The following CALD1 variants were observed in gnomAD, a reference collection of about 807,000 sequenced individuals.
The protein encoded by CALD1 is caldesmon.
CALD1 carries 33 observed loss-of-function variants against 99.9 expected under a neutral mutation model. The ratio of observed to expected loss-of-function variants is 0.33; its 90% CI spans 0.25 to 0.44. The LOEUF is 0.44. Ranked by LOEUF, CALD1 falls within the 20% of genes least tolerant of loss-of-function variation. The pLI is 1.00. For missense variants in CALD1, 861 were observed against 962.1 expected (o/e 0.89, Z 1.39); for synonymous variants, 310 against 325.0 (o/e 0.95, Z 0.50).
intron 1 of CALD1, among the ~76,000 whole-genome samples, chr7:134,838,414 G>A (rs992381620): frequency 2.0e-5 from 3 of 152,188 alleles, no homozygotes; most frequent in African/African-American, 4.8e-5. Flanking sequence ...AGAGCTACAA[G>A]AAATAATTTG....
intron 2 of CALD1, among the ~76,000 whole-genome samples, chr7:134,864,043 C>G (rs529469206): frequency 1.3e-5 from 2 of 152,078 alleles, no homozygotes; most frequent in African/African-American, 2.4e-5. Context: ...GCCGCAGGCT[C>G]GTGGCTTTGT....
intron 1 of CALD1, among the ~76,000 whole-genome samples, chr7:134,795,275 G>A (rs1441991060): frequency 6.6e-6 from 1 of 152,110 alleles, no homozygotes; most frequent in East Asian, 1.9e-4. Context: ...ATTGAATCAT[G>A]GGGATGGGTC....
chr7:134,922,060 C>CA (rs1804659873), intron 3 of CALD1, among the ~76,000 whole-genome samples: 1 of 151,948 alleles, frequency 6.6e-6, no homozygotes, highest in Non-Finnish European at 1.5e-5. Flanking sequence ...TTTTACATGG[C>CA]AAAATAACTA....
At chr7:134,854,543 G>A (rs741691) in intron 2 of CALD1, among the ~76,000 whole-genome samples, 26,429 of 151,640 alleles carry the variant, frequency 0.17, 3,304 homozygotes, top group African/African-American at 0.36. Flanking sequence ...TTTGTTTAAT[G>A]ACACACTCAC....
upstream of CALD1, among the ~76,000 whole-genome samples, chr7:134,776,444 A>G (rs1199026114): frequency 4.6e-5 from 7 of 152,158 alleles, no homozygotes; most frequent in African/African-American, 1.4e-4. Flanking sequence ...TGTACATTAT[A>G]TCAGTGGATC....
Position 134,965,185 on chromosome 7 carries a change from G to A in CALD1, c.2296-121G>A, listed in dbSNP as rs1563139687. On this transcript the variant is annotated intron_variant, in intron 13 of 14. Coordinates refer to ENST00000361675, the MANE Select transcript of CALD1 (RefSeq NM_033138.4). ...CTTTCAATTCCATTTCAGATCACTG[G>A]GGTAAAGTGTATTAAACAACAAACT... is the stretch of plus-strand genomic sequence containing the variant. The A allele has an allele frequency of 6.4e-5, 43 of 672,040 alleles. No homozygotes were observed. The East Asian group carries it at 1.1e-3, about 17-fold the overall frequency. The allele number at this position is 672,040 out of a possible 1,614,324, so 41.6% of individuals were successfully genotyped here. A position where few individuals can be genotyped will look rare whatever the true frequency, so the allele number is the denominator to read the frequency against.
At chr7:134,723,512 T>G in the CALD1 span, among the ~76,000 whole-genome samples, 2 of 149,976 alleles carry the variant, frequency 1.3e-5, no homozygotes, top group African/African-American at 4.9e-5. Context: ...ACTCAAGCTG[T>G]CAAGTACAGT....
chr7:134,778,401 G>A (rs909151161), upstream of CALD1, among the ~76,000 whole-genome samples: 14 of 152,176 alleles, frequency 9.2e-5, no homozygotes, highest in Admixed American at 2.6e-4. Flanking sequence ...TTAAAGACCA[G>A]TATCTGGACT....
intron 13 of CALD1, chr7:134,962,858 T>C (rs967677676): frequency 4.4e-6 from 2 of 456,582 alleles, no homozygotes; most frequent in Non-Finnish European, 4.4e-6. Flanking sequence ...TCTGGTTGAT[T>C]GGAAACCTGC....
upstream of CALD1, among the ~76,000 whole-genome samples, chr7:134,740,496 G>T (rs1268877009): frequency 6.6e-6 from 1 of 152,194 alleles, no homozygotes; most frequent in Non-Finnish European, 1.5e-5. Flanking sequence ...AAAAGGCCCT[G>T]GGGGTCTTGT....
chr7:134,734,287 T>G, the CALD1 span, among the ~76,000 whole-genome samples: 1 of 152,214 alleles, frequency 6.6e-6, no homozygotes, highest in African/African-American at 2.4e-5. Context: ...ATGAGGAAAT[T>G]TGTTCATTTT....
At chr7:134,874,057 G>GT (rs1801230942) in intron 3 of CALD1, among the ~76,000 whole-genome samples, 1 of 152,214 alleles carries the variant, frequency 6.6e-6, no homozygotes, top group South Asian at 2.1e-4. Context: ...ACTGTGATCG[G>GT]TAACAGTTTT....
intron 2 of CALD1, among the ~76,000 whole-genome samples, chr7:134,846,211 C>T (rs1017484294): frequency 1.2e-4 from 19 of 152,300 alleles, no homozygotes; most frequent in African/African-American, 3.1e-4. Context: ...GTGGCTGTGA[C>T]GCTATGGTCA....
In CALD1 at chr7:134,885,609, C is replaced by T. The variant is rs148396159; in HGVS notation, c.71+17805C>T. Among the ~76,000 whole-genome samples the T allele has an allele frequency of 2.5e-3, 375 of 152,302 alleles. 4 individuals are homozygous for T. Among genetic ancestry groups the T allele is most frequent in the African/African-American group, 8.6e-3 (356 of 41,568 alleles). On this transcript the variant is annotated intron_variant, in intron 3 of 14. Coordinates refer to ENST00000361675, the MANE Select transcript of CALD1 (RefSeq NM_033138.4). Reference sequence around the variant, plus strand: ...TTAGACACTTTGAACAAGAGTGGTACACACTGAGAATTCTGTGGCTTAGGA... The same window carrying T: ...TTAGACACTTTGAACAAGAGTGGTATACACTGAGAATTCTGTGGCTTAGGA...
chr7:134,713,777 G>A, the CALD1 span, among the ~76,000 whole-genome samples: 2 of 152,184 alleles, frequency 1.3e-5, no homozygotes, highest in Admixed American at 1.3e-4. Context: ...GAAAATGCAC[G>A]CCCAAACTCA....
chr7:134,745,064 C>T (rs564308534), intron 1 of CALD1, among the ~76,000 whole-genome samples: 15 of 152,344 alleles, frequency 9.8e-5, no homozygotes, highest in Non-Finnish European at 2.9e-5. Flanking sequence ...GATTTTAGCA[C>T]TGTACCTTGC....
chr7:134,946,392 T>A (rs546651842), intron 7 of CALD1, among the ~76,000 whole-genome samples: 25 of 152,186 alleles, frequency 1.6e-4, no homozygotes, highest in Non-Finnish European at 3.5e-4. Flanking sequence ...GTGTGAGGCA[T>A]ATTCATATTG....
At chr7:134,953,251 G>C (rs777284722) in intron 9 of CALD1, among the ~76,000 whole-genome samples, 2 of 152,134 alleles carry the variant, frequency 1.3e-5, no homozygotes, top group African/African-American at 2.4e-5. Flanking sequence ...GGCTGAGGCA[G>C]GTGTATCACC....
At chr7:134,784,084 A>G (rs17168037) in intron 1 of CALD1, among the ~76,000 whole-genome samples, 6,797 of 152,276 alleles carry the variant, frequency 0.045, 486 homozygotes, top group African/African-American at 0.15. Context: ...ATTTTAGTAT[A>G]TCGGGCACTC....
Sources: gnomAD v4.1 joint callset for allele counts (sites outside exome capture counted in the v4.1 genomes callset) on GRCh38, gnomAD v4.1.1 for gene constraint, MANE v1.5 for transcripts, NCBI Gene and HGNC (gene_info 2026-07-23, HGNC 2026-07-21) for gene names.